The following HACD2 variants were observed in gnomAD, a reference collection of about 807,000 sequenced individuals.
HACD2 encodes the protein 3-hydroxyacyl-CoA dehydratase 2.
Under a neutral mutation model 31.0 loss-of-function variants are expected in HACD2, and 15 were observed. The observed-to-expected ratio is 0.48, with a 90% CI of 0.32 to 0.75. The LOEUF is 0.75. Ranked by LOEUF, HACD2 falls within the 30% of genes least tolerant of loss-of-function variation. The pLI, the probability that HACD2 is intolerant of heterozygous loss-of-function variation, is 0.03. For synonymous variants in HACD2, 115 were observed against 122.2 expected (o/e 0.94, Z 0.39); for missense variants, 283 against 313.0 (o/e 0.90, Z 0.72).
chr3:123,500,449 G>T, intron 6 of HACD2, 66 bp downstream of exon 6: 1 of 990,610 alleles, frequency 1.0e-6, no homozygotes, highest in Non-Finnish European at 1.5e-6. Flanking sequence ...GACAGTCAAA[G>T]ATATTTAGTT....
At chr3:123,584,624 C>A in intron 1 of HACD2, 1 of 327,008 alleles carries the variant, frequency 3.1e-6, no homozygotes, top group Non-Finnish European at 5.5e-6. Context: ...CAGCGCCCGG[C>A]AGCCGTCCCC....
At chr3:123,566,769 C>T (rs551636223) in intron 3 of HACD2, among the ~76,000 whole-genome samples, 7 of 152,104 alleles carry the variant, frequency 4.6e-5, no homozygotes, top group East Asian at 3.9e-4. Flanking sequence ...TGGTGGCGCA[C>T]GCCTGTAATC....
intron 3 of HACD2, among the ~76,000 whole-genome samples, chr3:123,535,131 A>G (rs527522344): frequency 2.0e-5 from 3 of 152,318 alleles, no homozygotes; most frequent in South Asian, 2.1e-4. Flanking sequence ...TCACCACTCA[A>G]TGATTCATCC....
chr3:123,499,492 A>G, intron 6 of HACD2: 1 of 381,964 alleles, frequency 2.6e-6, no homozygotes, highest in Middle Eastern at 3.7e-4. Flanking sequence ...TGCAAGATAA[A>G]CACTCACATG....
chr3:123,537,688 CTA>C (rs1367108572), intron 3 of HACD2, among the ~76,000 whole-genome samples: 9 of 151,656 alleles, frequency 5.9e-5, no homozygotes, highest in Non-Finnish European at 1.2e-4. Context: ...ATAGTATAAG[CTA>C]TGTCTGTCTG....
intron 4 of HACD2, among the ~76,000 whole-genome samples, chr3:123,525,096 T>A (rs536196264): frequency 1.3e-5 from 2 of 152,322 alleles, no homozygotes; most frequent in South Asian, 4.1e-4. Context: ...TTCGCAAGCA[T>A]CCTGCTGAAA....
chr3:123,526,377 C>T (rs1376783975), intron 4 of HACD2, among the ~76,000 whole-genome samples: 4 of 152,170 alleles, frequency 2.6e-5, no homozygotes, highest in South Asian at 2.1e-4. Context: ...ACAGCAGAAA[C>T]GCTGAAGTCC....
At chr3:123,574,634 CTTG>C (rs1302465950) in intron 2 of HACD2, among the ~76,000 whole-genome samples, 1 of 151,870 alleles carries the variant, frequency 6.6e-6, no homozygotes, top group Non-Finnish European at 1.5e-5. Flanking sequence ...CCTCATTCAT[CTTG>C]TTTTCAATTA....
chr3:123,508,908 C>T (rs2056013556), intron 4 of HACD2, among the ~76,000 whole-genome samples: 1 of 152,142 alleles, frequency 6.6e-6, no homozygotes, highest in Non-Finnish European at 1.5e-5. Flanking sequence ...AGATGGCCAC[C>T]TTCTAGATGT....
At chr3:123,495,526 G>A (rs927733514) in intron 6 of HACD2, among the ~76,000 whole-genome samples, 19 of 151,718 alleles carry the variant, frequency 1.3e-4, no homozygotes, top group Non-Finnish European at 1.2e-4. Context: ...GTAGTTTCGG[G>A]TAAAGACTTG....
chr3:123,562,120 A>T (rs1025119924), intron 3 of HACD2, among the ~76,000 whole-genome samples: 2 of 152,176 alleles, frequency 1.3e-5, no homozygotes, highest in Non-Finnish European at 2.9e-5. Flanking sequence ...CCTATTTTTT[A>T]AAATTCTCAT....
intron 3 of HACD2, among the ~76,000 whole-genome samples, chr3:123,544,518 T>C (rs2056531998): frequency 6.6e-6 from 1 of 152,212 alleles, no homozygotes. Context: ...AAGGAAATGC[T>C]AGGCTCAGAG....
intron 4 of HACD2, among the ~76,000 whole-genome samples, chr3:123,527,820 A>G (rs1352873221): frequency 6.6e-6 from 1 of 152,246 alleles, no homozygotes; most frequent in African/African-American, 2.4e-5. Flanking sequence ...TGTAAAAGGC[A>G]TTACATTTGC....
At chr3:123,584,826 C>T (rs2057010073) in intron 1 of HACD2, 47 bp downstream of exon 1, 2 of 1,410,894 alleles carry the variant, frequency 1.4e-6, no homozygotes, top group Non-Finnish European at 1.9e-6. Context: ...CGCAGGGCTC[C>T]CTCCCCGGCC....
intron 2 of HACD2, among the ~76,000 whole-genome samples, chr3:123,573,837 T>C (rs759176058): frequency 2.0e-5 from 3 of 152,210 alleles, no homozygotes; most frequent in Non-Finnish European, 4.4e-5. Flanking sequence ...TATTTTTCCT[T>C]TATCACTTAA....
At chr3:123,557,025 A>T (rs2056679939) in intron 3 of HACD2, among the ~76,000 whole-genome samples, 1 of 152,248 alleles carries the variant, frequency 6.6e-6, no homozygotes, top group African/African-American at 2.4e-5. Flanking sequence ...ACCAGGAGAA[A>T]ATATTTGCAA....
At chr3:123,503,117 T>C (rs2055925826) in intron 4 of HACD2, among the ~76,000 whole-genome samples, 1 of 151,850 alleles carries the variant, frequency 6.6e-6, no homozygotes, top group Non-Finnish European at 1.5e-5. Flanking sequence ...TACAGAAAAT[T>C]AGCCAAGTGT....
intron 4 of HACD2, among the ~76,000 whole-genome samples, chr3:123,525,697 AT>A (rs1319513433): frequency 6.6e-6 from 1 of 152,194 alleles, no homozygotes; most frequent in Non-Finnish European, 1.5e-5. Flanking sequence ...AAAATGAAGA[AT>A]TCTTGTCCAC....
chr3:123,578,249 T>C (rs2056928525), intron 2 of HACD2, among the ~76,000 whole-genome samples: 1 of 152,220 alleles, frequency 6.6e-6, no homozygotes, highest in Admixed American at 6.5e-5. Flanking sequence ...CCACATTTTA[T>C]CCATGAGTAG....
Sources: gnomAD v4.1 joint callset for allele counts (sites outside exome capture counted in the v4.1 genomes callset) on GRCh38, gnomAD v4.1.1 for gene constraint, MANE v1.5 for transcripts, NCBI Gene and HGNC (gene_info 2026-07-23, HGNC 2026-07-21) for gene names.